ANKRD13D: variants seen among roughly 807,000 people sequenced by gnomAD.
ANKRD13D encodes ankyrin repeat domain-containing protein 13D.
In ANKRD13D, 24 loss-of-function variants were observed where a neutral mutation model predicts 68.8. The observed-to-expected ratio is 0.35, with a 90% confidence interval of 0.25 to 0.49. The LOEUF is 0.49. Ranked by LOEUF, ANKRD13D falls within the 20% of genes least tolerant of loss-of-function variation. ANKRD13D has a pLI of 0.99. For synonymous variants in ANKRD13D, 331 were observed against 336.1 expected (o/e 0.98, Z 0.16); for missense variants, 735 against 832.1 (o/e 0.88, Z 1.44).
chr11:67,289,896 C>G, intron 1 of ANKRD13D, 182 bp from the exon 2 acceptor site: 1 of 1,437,066 alleles, frequency 7.0e-7, no homozygotes, highest in Non-Finnish European at 9.1e-7. Flanking sequence ...CCCGGCTCTG[C>G]CCCTGCCTTC....
rs1444554088 is a variant in ANKRD13D, at chr11:67,289,487, G to A, written c.27G>A (p.Pro9=). The change falls in exon 1 of 15, where the codon CCG becomes CCA. Residue 9 remains proline, a synonymous_variant. Coordinates refer to ENST00000511455, the MANE Select transcript of ANKRD13D (RefSeq NM_207354.3). ...TGGCCGGCCCGGGCCCCACCTTCCCGCTGCACCGGCTCGTCTGGGCGAACC... is the reference window on the plus strand; with the variant it reads ...TGGCCGGCCCGGGCCCCACCTTCCCACTGCACCGGCTCGTCTGGGCGAACC... MAGPGPTF[P]LHRLVWANRH... 1 of 1,512,846 alleles carries A rather than the reference G, an allele frequency of 6.6e-7. No individual in the cohort carries two copies. Among genetic ancestry groups the A allele is most frequent in the Non-Finnish European group, 8.8e-7 (1 of 1,138,330 alleles). The allele number at this position is 1,512,846 out of a possible 1,614,324, so 93.7% of individuals were successfully genotyped here.
In ANKRD13D at chr11:67,290,223, A is replaced by T. The variant is rs1266700948; in HGVS notation, c.226+10A>T. 5 of 1,541,350 alleles carry T rather than the reference A, an allele frequency of 3.2e-6. No homozygotes were observed. Among genetic ancestry groups the T allele is most frequent in the Admixed American group, 3.9e-5 (2 of 50,966 alleles). On this transcript the variant is annotated intron_variant, in intron 2 of 14. Coordinates refer to ENST00000511455, the MANE Select transcript of ANKRD13D (RefSeq NM_207354.3). ...CGCCAGGGCTGGGCAGGTACTGCAGAGGACAAGGGGCTCCCCCTGAGGCTG... is the reference window on the plus strand; with the variant it reads ...CGCCAGGGCTGGGCAGGTACTGCAGTGGACAAGGGGCTCCCCCTGAGGCTG...
intron 3 of ANKRD13D, 151 bp downstream of exon 3, chr11:67,290,597 G>A: frequency 1.6e-6 from 2 of 1,239,056 alleles, no homozygotes; most frequent in Non-Finnish European, 2.2e-6. Context: ...CCCAGCCCAG[G>A]GTCACGTAGG....
At chr11:67,293,777 C>T (rs935377452) in intron 6 of ANKRD13D, among the ~76,000 whole-genome samples, 2 of 152,328 alleles carry the variant, frequency 1.3e-5, no homozygotes, top group East Asian at 1.9e-4. Context: ...CTGGGCCTCC[C>T]ACAGTGCTGG....
chr11:67,299,678 T>C lies in ANKRD13D; in HGVS notation c.880+67T>C, dbSNP rs1045214914. 6.5e-7 allele frequency: 1 copy of C among 1,536,334 alleles called. No individual in the cohort carries two copies. The highest frequency in any genetic ancestry group is 1.2e-5 in the South Asian group (1 of 83,816). On this transcript the variant is annotated intron_variant, in intron 8 of 14. Coordinates refer to ENST00000511455, the MANE Select transcript of ANKRD13D (RefSeq NM_207354.3). The surrounding 1 kb of genome is among the most constrained non-coding windows in gnomAD (Gnocchi z 6.2). ...TGGTGGGGTCACCCTGGCCTGGGAT[T>C]AGGGGCCAGAGTTTCCCAGGATGAG...
chr11:67,298,981 AG>A (rs1565080711), intron 6 of ANKRD13D, 76 bp from the exon 7 acceptor site: 1 of 1,517,208 alleles, frequency 6.6e-7, no homozygotes, highest in Non-Finnish European at 9.2e-7. Context: ...GGCTGGCTGG[AG>A]GGGGCTTTGG....
At chr11:67,295,726 A>T (rs1860735185) in intron 6 of ANKRD13D, among the ~76,000 whole-genome samples, 1 of 152,146 alleles carries the variant, frequency 6.6e-6, no homozygotes. Context: ...ACAGAGCAAG[A>T]CTCCATCTAA....
chr11:67,300,798 G>A lies in ANKRD13D; in HGVS notation c.1074-192G>A. 2 of 654,534 alleles carry A rather than the reference G, an allele frequency of 3.1e-6. No individual in the cohort carries two copies. The highest frequency in any genetic ancestry group is 2.8e-5 in the East Asian group (1 of 35,638). The allele number at this position is 654,534 out of a possible 1,614,324, so 40.5% of individuals were successfully genotyped here. ...TCAGGAGCCCCAGCCTGGGCCCAGG[G>A]AGGAGGGCAGCTTGGGCCACGTGGC... On this transcript the variant is annotated intron_variant, in intron 10 of 14. Transcript: ENST00000511455. The surrounding 1 kb of genome is among the most constrained non-coding windows in gnomAD (Gnocchi z 4.3).
chr11:67,302,194 C>G lies in ANKRD13D; in HGVS notation c.1680C>G (p.Pro560=). 1 of 1,592,470 alleles carries G rather than the reference C, an allele frequency of 6.3e-7. No homozygotes were observed. The highest frequency in any genetic ancestry group is 8.5e-7 in the Non-Finnish European group (1 of 1,170,088). The change falls in exon 15 of 15, where the codon CCC becomes CCG. Residue 560 remains proline, a synonymous_variant. Coordinates refer to ENST00000511455, the MANE Select transcript of ANKRD13D (RefSeq NM_207354.3). ...PGSPPRTPPA[P]GPPSFEEQLR... ...CCCCTCCCAGGACACCCCCAGCCCC[C>G]GGTCCACCCAGCTTTGAAGAGCAGC...
chr11:67,289,961 C>T (rs1010437113), intron 1 of ANKRD13D, 117 bp from the exon 2 acceptor site: 19 of 1,460,140 alleles, frequency 1.3e-5, no homozygotes, highest in Non-Finnish European at 1.6e-5. Flanking sequence ...TCTGCCATCT[C>T]CCTGGTCAGT....
Position 67,302,386 on chromosome 11 carries a change from ATTT to A in ANKRD13D, c.*55_*57del. On this transcript the variant is annotated 3_prime_UTR_variant, in exon 15 of 15. Coordinates refer to ENST00000511455, the MANE Select transcript of ANKRD13D (RefSeq NM_207354.3). Reference sequence around the variant, plus strand: ...CACTCCCTGCCCGCTTTTGTAATTTATTTATTTATAAACTCTCTGCTGCTGAGC... The same window carrying A: ...CACTCCCTGCCCGCTTTTGTAATTTAATTTATAAACTCTCTGCTGCTGAGC... The A allele has an allele frequency of 2.8e-6, 4 of 1,444,884 alleles. No individual in the cohort carries two copies. The South Asian group carries it at 5.9e-5, about 21-fold the overall frequency. The allele number at this position is 1,444,884 out of a possible 1,614,324, so 89.5% of individuals were successfully genotyped here. A position where few individuals can be genotyped will look rare whatever the true frequency, so the allele number is the denominator to read the frequency against.
chr11:67,289,365 G>C lies in ANKRD13D; in HGVS notation c.-96G>C. On this transcript the variant is annotated 5_prime_UTR_variant, in exon 1 of 15. Coordinates refer to ENST00000511455, the MANE Select transcript of ANKRD13D (RefSeq NM_207354.3). ...CCGCCGCTACTGCTGCGGGGGCCGC[G>C]GGGGGCGCAGCTGGGGCGCGGCTCG... 2 of 911,346 alleles carry C rather than the reference G, an allele frequency of 2.2e-6. No individual in the cohort carries two copies. Among genetic ancestry groups the C allele is most frequent in the Non-Finnish European group, 2.8e-6 (2 of 725,330 alleles). The allele number at this position is 911,346 out of a possible 1,614,324, so 56.5% of individuals were successfully genotyped here.
At chr11:67,289,589 C>T (rs957587072) in intron 1 of ANKRD13D, 39 bp downstream of exon 1, 4 of 1,491,198 alleles carry the variant, frequency 2.7e-6, no homozygotes, top group East Asian at 2.6e-5. Flanking sequence ...TCCCCCGGGT[C>T]CCCCACCCAA....
rs1860943781 is a variant in ANKRD13D at position 67,300,679 on chromosome 11, G to A, written c.1074-311G>A. The A allele has an allele frequency of 2.0e-6, 1 of 506,448 alleles. No homozygotes were observed. Among genetic ancestry groups the A allele is most frequent in the African/African-American group, 2.0e-5 (1 of 51,264 alleles). 31.4% of individuals were successfully genotyped at this position (506,448 alleles called of 1,614,324 possible). ...GAGCTGGTGACCAGCTCTGGGCTGA[G>A]GAGGAAAACGGGGCTGTGGGCCAGG... On this transcript the variant is annotated intron_variant, in intron 10 of 14. Coordinates refer to ENST00000511455, the MANE Select transcript of ANKRD13D (RefSeq NM_207354.3). This position sits in a 1 kb window ranked among gnomAD's most constrained non-coding sequence, Gnocchi z 4.3.
At position 67,289,349 on chromosome 11, in the gene ANKRD13D, CT is replaced by C; in HGVS notation, c.-111del. The C allele has an allele frequency of 1.4e-6, 1 of 722,138 alleles. No homozygotes were observed. Among genetic ancestry groups the C allele is most frequent in the Non-Finnish European group, 1.8e-6 (1 of 571,350 alleles). The allele number at this position is 722,138 out of a possible 1,614,324, so 44.7% of individuals were successfully genotyped here. On this transcript the variant is annotated 5_prime_UTR_variant, in exon 1 of 15. Coordinates refer to ENST00000511455, the MANE Select transcript of ANKRD13D (RefSeq NM_207354.3). ...GCCGCCGCCGCCGCCGCCGCCGCTACTGCTGCGGGGGCCGCGGGGGGCGCAG... is the reference window on the plus strand; with the variant it reads ...GCCGCCGCCGCCGCCGCCGCCGCTACGCTGCGGGGGCCGCGGGGGGCGCAG...
intron 1 of ANKRD13D, 157 bp downstream of exon 1, chr11:67,289,707 C>T (rs1412027497): frequency 1.5e-6 from 2 of 1,343,318 alleles, no homozygotes; most frequent in African/African-American, 1.5e-5. Flanking sequence ...GGTCACCGGC[C>T]CCTCGCGCCT....
rs375940543 is a variant in ANKRD13D, at chr11:67,290,441, C to T, written c.346C>T (p.Arg116Cys). The change falls in exon 3 of 15, where the codon CGC becomes TGC. Residue 116 changes from arginine (R) to cysteine (C), a missense_variant. By Grantham distance (180) the Arg-to-Cys change is radical. Transcript: ENST00000511455. ...CATTCCGGAACTGCTCAACAAACTT[C>T]GCCAGGTACAGCAGGGCACAGTTAT... ...AGIPELLNKL[R>C]QAPDFYVEMK... The T allele has an allele frequency of 2.5e-6, 4 of 1,581,720 alleles. No homozygotes were observed. Among genetic ancestry groups the T allele is most frequent in the Admixed American group, 1.8e-5 (1 of 54,628 alleles).
chr11:67,298,824 T>G (rs1860860914), intron 6 of ANKRD13D: 4 of 567,996 alleles, frequency 7.0e-6, no homozygotes, highest in Non-Finnish European at 1.3e-5. Context: ...CCCGACACTA[T>G]CATACCTCAC....
chr11:67,290,750 A>G, intron 3 of ANKRD13D: 1 of 340,530 alleles, frequency 2.9e-6, no homozygotes, highest in Non-Finnish European at 5.6e-6. Context: ...GAAACCCTGG[A>G]ATACTTGCTA....
Sources: allele counts gnomAD v4.1 joint callset (sites outside exome capture counted in the v4.1 genomes callset), GRCh38; gene constraint gnomAD v4.1.1; non-coding constraint Gnocchi (gnomAD v3.1); transcripts MANE v1.5; gene names NCBI Gene and HGNC (gene_info 2026-07-23, HGNC 2026-07-21).